Variants in LRP1 observed in about 807,000 individuals in gnomAD.
LRP1 encodes LDL receptor related protein 1.
Under a neutral mutation model 541.5 loss-of-function variants are expected in LRP1, and 51 were observed. The observed-to-expected ratio is 0.09, with a 90% CI of 0.08 to 0.12. The LOEUF is 0.12. Among genes scored for constraint, LRP1 ranks in the 10% least tolerant of loss-of-function variants. LRP1 has a pLI of 1.00. For synonymous variants in LRP1, 2,219 were observed against 2,470.8 expected (o/e 0.90, Z 3.02); for missense variants, 3,878 against 6,376.2 (o/e 0.61, Z 13.34).
At position 57,206,582 on chromosome 12, in the gene LRP1, C is replaced by T; in HGVS notation, c.11700C>T (p.Val3900=). 6.2e-7 allele frequency: 1 copy of T among 1,614,230 alleles called. No homozygotes were observed. Among genetic ancestry groups the T allele is most frequent in the East Asian group, 2.2e-5 (1 of 44,888 alleles). ...AGGCATTCCAGGGTGACGAGAGTGTCCGCATTGATGCTATGGATGTCCATG... is the reference window on the plus strand; with the variant it reads ...AGGCATTCCAGGGTGACGAGAGTGTTCGCATTGATGCTATGGATGTCCATG... The part of the protein sequence containing the change: ...YEQAFQGDES[V]RIDAMDVHVK... The change falls in exon 76 of 89, where the codon GTC becomes GTT. Residue 3900 remains valine (V), a synonymous_variant. Transcript: ENST00000243077. This position sits in a 1 kb window ranked among gnomAD's most constrained non-coding sequence, Gnocchi z 4.7.
intron 45 of LRP1, 84 bp downstream of exon 45, chr12:57,193,054 C>G: frequency 6.3e-7 from 1 of 1,586,500 alleles, no homozygotes; most frequent in Non-Finnish European, 8.6e-7. Context: ...TGCTCCAGCC[C>G]AGCCCCCCAA....
chr12:57,180,303 C>G (rs750335859), intron 31 of LRP1, 27 bp from the exon 32 acceptor site: 2 of 1,612,698 alleles, frequency 1.2e-6, no homozygotes, highest in South Asian at 2.2e-5. Flanking sequence ...GGGCCAGACT[C>G]CCCGGCAGTG....
Position 57,167,435 on chromosome 12 carries a change from T to C in LRP1, c.2915-9T>C, listed in dbSNP as rs1288624314. 1 of 1,610,126 alleles carries C rather than the reference T, an allele frequency of 6.2e-7. No homozygotes were observed. ...AAGGCCCTACTCAGCTACTCTTTCT[T>C]CCTCACAGCCTATCCCACCTGCTTC... is the stretch of plus-strand genomic sequence containing the variant. On this transcript the variant is annotated splice_polypyrimidine_tract_variant and intron_variant, in intron 18 of 88. Transcript: ENST00000243077.
chr12:57,167,553 T>C (rs1443601094), intron 19 of LRP1, 29 bp downstream of exon 19: 5 of 1,580,220 alleles, frequency 3.2e-6, no homozygotes, highest in African/African-American at 2.7e-5. Flanking sequence ...CACCTGCTGA[T>C]TCCTAAGACA....
chr12:57,180,842 G>A lies in LRP1; in HGVS notation c.5527+35G>A, dbSNP rs188516606. 2.6e-4 allele frequency: 411 copies of A among 1,609,786 alleles called. No homozygotes were observed. In the African/African-American group the frequency reaches 5.2e-3, roughly 21 times the overall value. On this transcript the variant is annotated intron_variant, in intron 33 of 88. Transcript: ENST00000243077. ...AGGCCGGGCGGCCGCTGGGGGCTCA[G>A]GGGCAACAGGGGAGCCGTCCAGAGC... is the stretch of plus-strand genomic sequence containing the variant.
At chr12:57,148,954 CT>C in intron 6 of LRP1, 1 of 597,658 alleles carries the variant, frequency 1.7e-6, no homozygotes, top group South Asian at 2.0e-5. Flanking sequence ...CTTCCTCTCC[CT>C]TTCTTTTATT....
chr12:57,185,616 C>T lies in LRP1; in HGVS notation c.6549C>T (p.Ala2183=), dbSNP rs2136711571. The stretch of plus-strand genomic sequence containing the variant: ...GTGGGCAGCGGGCCTGCGCCTGTGC[C>T]CACGGGATGCTGGCTGAAGACGGAG... ...RGRGQRACAC[A]HGMLAEDGAS... The change falls in exon 41 of 89, where the codon GCC becomes GCT. Residue 2183 remains alanine, a synonymous_variant. Transcript: ENST00000243077. The surrounding 1 kb of genome is among the most constrained non-coding windows in gnomAD (Gnocchi z 4.9). 6.2e-7 allele frequency: 1 copy of T among 1,610,870 alleles called. No individual in the cohort carries two copies. The highest frequency in any genetic ancestry group is 8.5e-7 in the Non-Finnish European group (1 of 1,179,832).
chr12:57,162,024 T>A lies in LRP1; in HGVS notation c.2203-293T>A, dbSNP rs2035745867. Among the ~76,000 whole-genome samples the A allele has an allele frequency of 6.6e-6, 1 of 152,142 alleles. No homozygotes were observed. Among genetic ancestry groups the A allele is most frequent in the African/African-American group, 2.4e-5 (1 of 41,478 alleles). The stretch of plus-strand genomic sequence containing the variant: ...GTGTGTGTGTGTGTGTGTGCACGTA[T>A]GTGTGCGTGTGTGTGTTTGGGGACT... On this transcript the variant is annotated intron_variant, in intron 13 of 88. Coordinates refer to ENST00000243077, the MANE Select transcript of LRP1 (RefSeq NM_002332.3). The surrounding 1 kb of genome is among the most constrained non-coding windows in gnomAD (Gnocchi z 5.2).
At position 57,175,946 on chromosome 12, in the gene LRP1, T is replaced by A. The variant is rs747495484; in HGVS notation, c.3831T>A (p.His1277Gln). The A allele has an allele frequency of 6.2e-7, 1 of 1,614,202 alleles. No individual in the cohort carries two copies. Among genetic ancestry groups the A allele is most frequent in the South Asian group, 1.1e-5 (1 of 91,084 alleles). ...FKPFIIFSNR[H>Q]EIRRIDLHKG... ...CGTTCATCATTTTCTCCAACCGCCATGAAATCCGGCGCATCGATCTTCACA... is the reference window on the plus strand; with the variant it reads ...CGTTCATCATTTTCTCCAACCGCCAAGAAATCCGGCGCATCGATCTTCACA... Residue 1277 changes from histidine (H) to glutamine (Q), a missense_variant, in exon 24 of 89, where the codon CAT (histidine) becomes CAA (glutamine). Transcript: ENST00000243077.
rs2036693135 is a variant in LRP1 at position 57,203,202 on chromosome 12, G to C, written c.10733G>C (p.Ser3578Thr). ...CCAGCCCCTCGGCCCTGCTCCGAGA[G>C]TGAGTTCTCCTGTGCCAACGGCCGC... is the stretch of plus-strand genomic sequence containing the variant. ...ESCTPRPCSE[S>T]EFSCANGRCI... Residue 3578 changes from serine (S) to threonine (T), a missense_variant, in exon 69 of 89, where the codon AGT (serine) becomes ACT (threonine). Transcript: ENST00000243077. 6.2e-7 allele frequency: 1 copy of C among 1,605,584 alleles called. No individual in the cohort carries two copies. The highest frequency in any genetic ancestry group is 8.5e-7 in the Non-Finnish European group (1 of 1,176,278).
intron 43 of LRP1, 48 bp downstream of exon 43, chr12:57,191,057 G>C: frequency 6.4e-7 from 1 of 1,557,432 alleles, no homozygotes; most frequent in Non-Finnish European, 8.7e-7. Context: ...GGGGAGGCCA[G>C]GGCCAGGGTC....
chr12:57,175,764 G>GT, intron 23 of LRP1, 59 bp downstream of exon 23: 2 of 1,550,824 alleles, frequency 1.3e-6, no homozygotes, highest in Non-Finnish European at 1.7e-6. Context: ...GCTGCAGTGG[G>GT]TTGGGCTTGG....
At position 57,197,529 on chromosome 12, in the gene LRP1, C is replaced by A; in HGVS notation, c.9163-16C>A. 1 of 1,614,060 alleles carries A rather than the reference C, an allele frequency of 6.2e-7. No homozygotes were observed. The highest frequency in any genetic ancestry group is 8.5e-7 in the Non-Finnish European group (1 of 1,180,016). On this transcript the variant is annotated splice_polypyrimidine_tract_variant and intron_variant, in intron 57 of 88. Transcript: ENST00000243077. The surrounding 1 kb of genome is among the most constrained non-coding windows in gnomAD (Gnocchi z 4.5). Reference sequence around the variant, plus strand: ...GCCACAACCGACTTCTGCTGTCCTTCACTCCCCAAATCCAGGGCCTGAACA... The same window carrying A: ...GCCACAACCGACTTCTGCTGTCCTTAACTCCCCAAATCCAGGGCCTGAACA...
chr12:57,130,727 G>A (rs1592595643), intron 1 of LRP1, among the ~76,000 whole-genome samples: 1 of 152,166 alleles, frequency 6.6e-6, no homozygotes, highest in South Asian at 2.1e-4. Flanking sequence ...GGTCAGGAAG[G>A]GACCCCAGAT....
chr12:57,211,000 A>T (rs2036901959), intron 83 of LRP1, 121 bp downstream of exon 83: 12 of 1,433,704 alleles, frequency 8.4e-6, no homozygotes, highest in Non-Finnish European at 1.1e-5. Flanking sequence ...AGAAGGCCTT[A>T]TGCAGCTGAG....
In LRP1 at chr12:57,179,751, C is replaced by T. The variant is rs1456518598; in HGVS notation, c.4967-31C>T. On this transcript the variant is annotated intron_variant, in intron 29 of 88. Transcript: ENST00000243077. The surrounding 1 kb of genome is among the most constrained non-coding windows in gnomAD (Gnocchi z 6.8). ...TCCTGACCCACTGCCCTGCAGACAC[C>T]CAACAACTGACTCCCTACTTGTGCC... 6.2e-7 allele frequency: 1 copy of T among 1,606,040 alleles called. No individual in the cohort carries two copies. The highest frequency in any genetic ancestry group is 8.5e-7 in the Non-Finnish European group (1 of 1,174,800).
At chr12:57,133,144 A>T (rs140933223) in intron 1 of LRP1, among the ~76,000 whole-genome samples, 133 of 152,228 alleles carry the variant, frequency 8.7e-4, no homozygotes, top group African/African-American at 3.1e-3. Context: ...CTGGAGAAAG[A>T]TGTAAGGAGT....
Position 57,149,130 on chromosome 12 carries a change from CT to C in LRP1, c.841+3641del. The C allele has an allele frequency of 6.3e-6, 3 of 476,524 alleles. No individual in the cohort carries two copies. In the South Asian group the frequency reaches 1.3e-4, roughly 20 times the overall value. 29.5% of individuals were successfully genotyped at this position (476,524 alleles called of 1,614,324 possible). On this transcript the variant is annotated intron_variant, in intron 6 of 88. Coordinates refer to ENST00000243077, the MANE Select transcript of LRP1 (RefSeq NM_002332.3). ...TACCTCCCCACTGTGCTGGGCACCC[CT>C]GGACCCTCTCAGCCTCCCACCCTGC...
chr12:57,186,047 G>A lies in LRP1; in HGVS notation c.6841+139G>A, dbSNP rs1009603571. ...CTCAGCTGAATCCAACTGCACCCCC[G>A]CAGTTACATGACTCCTGATTTGGAG... On this transcript the variant is annotated intron_variant, in intron 41 of 88. Transcript: ENST00000243077. 8.2e-6 allele frequency: 8 copies of A among 973,222 alleles called. No individual in the cohort carries two copies. The Admixed American group carries it at 8.7e-5, about 11-fold the overall frequency. The allele number at this position is 973,222 out of a possible 1,614,324, so 60.3% of individuals were successfully genotyped here.
Sources: allele counts gnomAD v4.1 joint callset (sites outside exome capture counted in the v4.1 genomes callset), GRCh38; gene constraint gnomAD v4.1.1; non-coding constraint Gnocchi (gnomAD v3.1); transcripts MANE v1.5; gene names NCBI Gene and HGNC (gene_info 2026-07-23, HGNC 2026-07-21).